NUP62: variants seen among roughly 807,000 people sequenced by gnomAD.
The protein encoded by NUP62 is nucleoporin 62, also known as nuclear pore glycoprotein p62.
For synonymous variants in NUP62, 305 were observed against 303.4 expected (o/e 1.01, Z -0.05); for missense variants, 647 against 689.4 (o/e 0.94, Z 0.69).
Position 49,909,034 on chromosome 19 carries a change from T to G in NUP62, c.774A>C (p.Leu258Phe). Residue 258 changes from leucine (L) to phenylalanine (F), a missense_variant, in exon 3 of 3, where the codon TTA becomes TTC. Leu to Phe is a conservative substitution (Grantham distance 22, BLOSUM62 0). Coordinates refer to ENST00000352066, the MANE Select transcript of NUP62 (RefSeq NM_016553.5). ...APTAGTQGFSLKAPGAASGTS... is the reference protein window; with the variant it reads ...APTAGTQGFSFKAPGAASGTS... ...TGCCGGAAGCTGCTCCAGGTGCCTT[T>G]AAGCTGAAGCCCTGTGTCCCAGCAG... is the stretch of plus-strand genomic sequence containing the variant. 15 of 1,613,198 alleles carry G rather than the reference T, an allele frequency of 9.3e-6. No individual in the cohort carries two copies. Among genetic ancestry groups the G allele is most frequent in the Non-Finnish European group, 1.3e-5 (15 of 1,179,988 alleles).
At position 49,907,997 on chromosome 19, in the gene NUP62, G is replaced by T; in HGVS notation, c.*242C>A. ...GGGTGGTCGCAGTAGGTGAAAAGGG[G>T]CCAAAGATACTCAAATGAAAGCCAC... On this transcript the variant is annotated 3_prime_UTR_variant, in exon 3 of 3. Transcript: ENST00000352066. The T allele has an allele frequency of 2.6e-6, 2 of 773,746 alleles. No individual in the cohort carries two copies. Among genetic ancestry groups the T allele is most frequent in the Non-Finnish European group, 4.0e-6 (2 of 502,638 alleles). The allele number at this position is 773,746 out of a possible 1,614,324, so 47.9% of individuals were successfully genotyped here.
chr19:49,928,411 G>A (rs2075962728), intron 1 of NUP62: 1 of 152,028 alleles, frequency 6.6e-6, no homozygotes, highest in Non-Finnish European at 1.5e-5. Flanking sequence ...CAGCTACTCG[G>A]GAGGCTGAGG....
chr19:49,923,259 C>T (rs1042267438), intron 2 of NUP62, among the ~76,000 whole-genome samples: 1 of 152,210 alleles, frequency 6.6e-6, no homozygotes, highest in Admixed American at 6.5e-5. Flanking sequence ...AGGACTCCCA[C>T]CTTCAACCCC....
In NUP62 at chr19:49,920,605, C is replaced by T. The variant is rs962225375; in HGVS notation, c.-78+7089G>A. On this transcript the variant is annotated intron_variant, in intron 2 of 2. Coordinates refer to ENST00000352066, the MANE Select transcript of NUP62 (RefSeq NM_016553.5). ...CCATGAGGCTGTGGAGGCGGATAGG[C>T]GTCAGGCTCAGAGCTGACTTTACCC... 1.1e-4 allele frequency among the ~76,000 whole-genome samples: 16 copies of T among 152,290 alleles called. No homozygotes were observed. In the East Asian group the frequency reaches 1.3e-3, roughly 13 times the overall value.
chr19:49,920,465 C>A (rs1269047411), intron 2 of NUP62, among the ~76,000 whole-genome samples: 6 of 152,324 alleles, frequency 3.9e-5, no homozygotes, highest in African/African-American at 1.2e-4. Flanking sequence ...ACTAAAGCCA[C>A]TAAGTTGGAC....
chr19:49,924,036 G>C (rs1244976574), intron 2 of NUP62, among the ~76,000 whole-genome samples: 1 of 152,212 alleles, frequency 6.6e-6, no homozygotes, highest in Non-Finnish European at 1.5e-5. Flanking sequence ...CAATAGCAGG[G>C]CGATGGCACG....
At chr19:49,922,194 C>A (rs564387914) in intron 2 of NUP62, among the ~76,000 whole-genome samples, 1 of 152,244 alleles carries the variant, frequency 6.6e-6, no homozygotes, top group South Asian at 2.1e-4. Context: ...TGGGCTTGCC[C>A]CTGACACAGC....
Position 49,908,589 on chromosome 19 carries a change from G to C in NUP62, c.1219C>G (p.Leu407Val). ...LSQQKELEDL[L>V]SPLEELVKEQ... The stretch of plus-strand genomic sequence containing the variant: ...TTGACCAACTCCTCCAGTGGGCTCA[G>C]CAGGTCTTCCAGCTCCTTCTGCTGG... The change falls in exon 3 of 3, where the codon CTG becomes GTG. Residue 407 changes from leucine to valine, a missense_variant. Transcript: ENST00000352066. The C allele has an allele frequency of 6.2e-7, 1 of 1,614,108 alleles. No individual in the cohort carries two copies. The highest frequency in any genetic ancestry group is 8.5e-7 in the Non-Finnish European group (1 of 1,180,026).
intron 2 of NUP62, among the ~76,000 whole-genome samples, chr19:49,914,852 A>G (rs1257770995): frequency 7.0e-6 from 1 of 142,388 alleles, no homozygotes; most frequent in Non-Finnish European, 1.5e-5. Context: ...CAATTCTCCC[A>G]CCTCAGCCTC....
At chr19:49,917,798 AGGTG>A (rs1431713323) in intron 2 of NUP62, 1 of 152,254 alleles carries the variant, frequency 6.6e-6, no homozygotes. Context: ...TGGCAGGCCG[AGGTG>A]GGTGGATTAC....
rs533162053 is a variant in NUP62 at position 49,907,094 on chromosome 19, T to C, written c.*1145A>G. 3 of 156,812 alleles carry C rather than the reference T, an allele frequency of 1.9e-5. No homozygotes were observed. Among genetic ancestry groups the C allele is most frequent in the African/African-American group, 4.8e-5 (2 of 41,596 alleles). The allele number at this position is 156,812 out of a possible 1,614,324, so 9.7% of individuals were successfully genotyped here. On this transcript the variant is annotated 3_prime_UTR_variant, in exon 3 of 3. Coordinates refer to ENST00000352066, the MANE Select transcript of NUP62 (RefSeq NM_016553.5). ...CTTCATTGTTCTTTCATTTAACAAA[T>C]GTGACAGGGACCGGGCTGGGGACAC...
intron 2 of NUP62, chr19:49,911,359 G>A (rs2075457667): frequency 6.6e-6 from 1 of 152,220 alleles, no homozygotes; most frequent in Non-Finnish European, 1.5e-5. Flanking sequence ...AATGGAAAGA[G>A]GGAGGCCCTG....
At chr19:49,924,702 G>T (rs886495899) in intron 2 of NUP62, among the ~76,000 whole-genome samples, 1 of 152,196 alleles carries the variant, frequency 6.6e-6, no homozygotes, top group Admixed American at 6.5e-5. Flanking sequence ...TGGGGAGAAG[G>T]GTCGCAGGCA....
At position 49,924,357 on chromosome 19, in the gene NUP62, C is replaced by T. The variant is rs77241140; in HGVS notation, c.-78+3337G>A. ...CTGATCTCCCTCCCTCTCCACACCA[C>T]CCCTACTCTTGCTGTGCGGGGGTTC... On this transcript the variant is annotated intron_variant, in intron 2 of 2. Transcript: ENST00000352066. Among the ~76,000 whole-genome samples, 622 of 152,320 alleles carry T rather than the reference C, an allele frequency of 4.1e-3. 23 individuals carry two copies. In the East Asian group the frequency reaches 0.1, roughly 25 times the overall value.
Position 49,909,316 on chromosome 19 carries a change from G to T in NUP62, c.492C>A (p.Ser164Arg). 1 of 1,613,982 alleles carries T rather than the reference G, an allele frequency of 6.2e-7. No individual in the cohort carries two copies. Among genetic ancestry groups the T allele is most frequent in the Non-Finnish European group, 8.5e-7 (1 of 1,180,012 alleles). Reference sequence around the variant, plus strand: ...TGTTGAAACCGGAGGGTTGGGCCGTGCTTCCACCAGTGAATGAGAAGCCTC... The same window carrying T: ...TGTTGAAACCGGAGGGTTGGGCCGTTCTTCCACCAGTGAATGAGAAGCCTC... ...TSGGFSFTGG[S>R]TAQPSGFNIG... is the part of the protein sequence containing the mutation. The change falls in exon 3 of 3, where the codon AGC becomes AGA. Residue 164 changes from serine (S) to arginine (R), a missense_variant. Coordinates refer to ENST00000352066, the MANE Select transcript of NUP62 (RefSeq NM_016553.5).
chr19:49,912,414 T>C (rs970712365), intron 2 of NUP62, among the ~76,000 whole-genome samples: 3 of 152,028 alleles, frequency 2.0e-5, no homozygotes, highest in Non-Finnish European at 2.9e-5. Context: ...GGTGATCCGC[T>C]TGCCTCGGCC....
At chr19:49,922,057 T>C (rs2075777483) in intron 2 of NUP62, among the ~76,000 whole-genome samples, 1 of 152,152 alleles carries the variant, frequency 6.6e-6, no homozygotes, top group Admixed American at 6.5e-5. Context: ...ACAGACAACA[T>C]GATGTCCAAA....
chr19:49,927,174 T>A (rs891760658), intron 2 of NUP62, among the ~76,000 whole-genome samples: 2 of 152,094 alleles, frequency 1.3e-5, no homozygotes, highest in African/African-American at 4.8e-5. Context: ...AGGTAGGTAT[T>A]CTTAATGCCA....
rs34772569 is a variant in NUP62, at chr19:49,921,997, C to T, written c.-78+5697G>A. 0.015 allele frequency among the ~76,000 whole-genome samples: 2,280 copies of T among 152,306 alleles called. 18 individuals carry two copies. Among genetic ancestry groups the T allele is most frequent in the Non-Finnish European group, 0.023 (1,587 of 68,016 alleles). Reference sequence around the variant, plus strand: ...CCTAGGGCCCCAGGCCAGGCCACCACGACCACGAGGGACCAAGACAACAAG... The same window carrying T: ...CCTAGGGCCCCAGGCCAGGCCACCATGACCACGAGGGACCAAGACAACAAG... On this transcript the variant is annotated intron_variant, in intron 2 of 2. Transcript: ENST00000352066. The surrounding 1 kb of genome is among the most constrained non-coding windows in gnomAD (Gnocchi z 5.4).
Sources: gnomAD v4.1 joint callset for allele counts (sites outside exome capture counted in the v4.1 genomes callset) on GRCh38, gnomAD v4.1.1 for gene constraint, Gnocchi (gnomAD v3.1) non-coding constraint, MANE v1.5 for transcripts, NCBI Gene and HGNC (gene_info 2026-07-23, HGNC 2026-07-21) for gene names.